CALD1: variants seen among roughly 807,000 people sequenced by gnomAD.
CALD1 encodes caldesmon.
Under a neutral mutation model 99.9 loss-of-function variants are expected in CALD1, and 33 were observed. That is an observed-to-expected ratio of 0.33 (90% CI 0.25 to 0.44). CALD1 has a LOEUF of 0.44. CALD1 is among the 20% of genes least tolerant of loss of function. The pLI is 1.00. For synonymous variants in CALD1, 310 were observed against 325.0 expected (o/e 0.95, Z 0.50); for missense variants, 861 against 962.1 (o/e 0.89, Z 1.39).
At chr7:134,935,539 T>A (rs886214191) in intron 5 of CALD1, 149 bp from the exon 6 acceptor site, 1 of 1,287,738 alleles carries the variant, frequency 7.8e-7, no homozygotes, top group African/African-American at 1.5e-5. Flanking sequence ...ACCTTGCTGT[T>A]TAGAACCACT....
At chr7:134,908,766 G>A (rs1173931067) in intron 3 of CALD1, among the ~76,000 whole-genome samples, 1 of 152,132 alleles carries the variant, frequency 6.6e-6, no homozygotes, top group African/African-American at 2.4e-5. Flanking sequence ...GCCCCGTAAA[G>A]GGCCAGGCAG....
chr7:134,750,377 G>A (rs941899049), intron 1 of CALD1, among the ~76,000 whole-genome samples: 2 of 152,086 alleles, frequency 1.3e-5, no homozygotes, highest in Non-Finnish European at 1.5e-5. Flanking sequence ...CTGGAGTTGC[G>A]AGGTCACAAC....
rs540622836 is a variant in CALD1 at position 134,783,627 on chromosome 7, C to T, written c.-130+3878C>T. The stretch of plus-strand genomic sequence containing the variant: ...AGGTTGTTCCCTGTGTTGTTCTTCC[C>T]TGTGTTGTTGCTATGGAAACCTTTG... On this transcript the variant is annotated intron_variant, in intron 1 of 14. Transcript: ENST00000361675. The surrounding 1 kb of genome is among the most constrained non-coding windows in gnomAD (Gnocchi z 4.3). Among the ~76,000 whole-genome samples, 29 of 152,228 alleles carry T rather than the reference C, an allele frequency of 1.9e-4. No individual in the cohort carries two copies. The highest frequency in any genetic ancestry group is 5.8e-4 in the African/African-American group (24 of 41,534).
chr7:134,766,001 C>G (rs1796822699), intron 1 of CALD1, among the ~76,000 whole-genome samples: 1 of 151,874 alleles, frequency 6.6e-6, no homozygotes, highest in Non-Finnish European at 1.5e-5. Flanking sequence ...CTGTTTTCAC[C>G]ATGTGAAGCA....
intron 1 of CALD1, among the ~76,000 whole-genome samples, chr7:134,843,098 G>A (rs186688415): frequency 2.6e-5 from 4 of 152,260 alleles, no homozygotes; most frequent in Non-Finnish European, 4.4e-5. Context: ...CTCCCTTCCC[G>A]TCTTCCTTCA....
At chr7:134,910,012 C>A (rs1803683792) in intron 3 of CALD1, among the ~76,000 whole-genome samples, 1 of 151,906 alleles carries the variant, frequency 6.6e-6, no homozygotes, top group Non-Finnish European at 1.5e-5. Context: ...AAGCACAAGC[C>A]CATAACACAA....
rs61755269 is a variant in CALD1 at position 134,935,732 on chromosome 7, C to G, written c.1353C>G (p.Leu451=). ...AAGTGCAAGCTAAAAGAGAAAAGCT[C>G]CAAGAAGACAAGCCTACCTTCAAAA... ...GTKVQAKREK[L]QEDKPTFKKE... The change falls in exon 6 of 15, where the codon CTC becomes CTG. Residue 451 remains leucine (L), a synonymous_variant. Transcript: ENST00000361675. 5.6e-4 allele frequency: 902 copies of G among 1,601,216 alleles called. 5 individuals carry two copies. The African/African-American group carries it at 0.011, about 19-fold the overall frequency.
chr7:134,890,110 T>C (rs1413775670), intron 3 of CALD1, among the ~76,000 whole-genome samples: 1 of 152,176 alleles, frequency 6.6e-6, no homozygotes, highest in South Asian at 2.1e-4. Flanking sequence ...GGTTTCACCA[T>C]GTTGGCCAGG....
Position 134,958,093 on chromosome 7 carries a change from A to C in CALD1, c.1960A>C (p.Asn654His). Residue 654 changes from asparagine to histidine, a missense_variant, in exon 10 of 15, where the codon AAT becomes CAT. Physicochemically the swap from Asn to His is moderately conservative, Grantham distance 68. This residue lies in a region of CALD1 where 190 missense variants were observed against 249.0 expected (regional missense o/e 0.76). Coordinates refer to ENST00000361675, the MANE Select transcript of CALD1 (RefSeq NM_033138.4). The part of the protein sequence containing the change: ...LKIEERAEFL[N>H]KSVQKSSGVK... ...GATAGAAGAGCGAGCAGAATTTTTG[A>C]ATAAGTCTGTGCAGAAAAGGTAAAT... 1.2e-6 allele frequency: 2 copies of C among 1,609,920 alleles called. No individual in the cohort carries two copies. Among genetic ancestry groups the C allele is most frequent in the Non-Finnish European group, 1.7e-6 (2 of 1,177,592 alleles).
At chr7:134,759,053 C>T (rs1289709666) in intron 1 of CALD1, among the ~76,000 whole-genome samples, 3 of 152,166 alleles carry the variant, frequency 2.0e-5, no homozygotes, top group Admixed American at 6.5e-5. Context: ...GTCTGTGGAT[C>T]TTTCTAGTTA....
rs1179728105 is a variant in CALD1, at chr7:134,821,645, C to CGT, written c.-129-22239_-129-22238insGT. ...TCACCCAGGCTGGAGTGCAATGGCACAATCTTGGCTCACTGCAACCTCTGC... is the reference window on the plus strand; with the variant it reads ...TCACCCAGGCTGGAGTGCAATGGCACGTAATCTTGGCTCACTGCAACCTCTGC... On this transcript the variant is annotated intron_variant, in intron 1 of 14. Coordinates refer to ENST00000361675, the MANE Select transcript of CALD1 (RefSeq NM_033138.4). 4.9e-3 allele frequency among the ~76,000 whole-genome samples: 481 copies of CGT among 97,438 alleles called. 17 individuals are homozygous for CGT. Among genetic ancestry groups the CGT allele is most frequent in the Non-Finnish European group, 7.1e-3 (326 of 45,982 alleles). The allele number at this position is 97,438 out of a possible 152,430, so 63.9% of individuals were successfully genotyped here. A position where few individuals can be genotyped will look rare whatever the true frequency, so the allele number is the denominator to read the frequency against.
At chr7:134,774,940 T>C (rs10269718), upstream of CALD1, among the ~76,000 whole-genome samples, 1,107 of 152,366 alleles carry the variant, frequency 7.3e-3, 13 homozygotes, top group African/African-American at 0.025. Flanking sequence ...ATGAGTGTTC[T>C]TATGTGATCT....
At chr7:134,907,257 T>C (rs1008548460) in intron 3 of CALD1, among the ~76,000 whole-genome samples, 6 of 151,898 alleles carry the variant, frequency 4.0e-5, no homozygotes, top group Admixed American at 2.0e-4. Flanking sequence ...ACTGATATCA[T>C]AGAAAATAAA....
At chr7:134,952,487 T>A (rs1807428254) in intron 9 of CALD1, among the ~76,000 whole-genome samples, 1 of 151,744 alleles carries the variant, frequency 6.6e-6, no homozygotes, top group Non-Finnish European at 1.5e-5. Flanking sequence ...TTTTTTTTTT[T>A]TGAGATAGAG....
chr7:134,768,300 G>A (rs185299430), intron 1 of CALD1, among the ~76,000 whole-genome samples: 77 of 152,216 alleles, frequency 5.1e-4, no homozygotes, highest in African/African-American at 1.6e-3. Flanking sequence ...TCCACCTGCC[G>A]CTCCAGGAGA....
chr7:134,816,341 T>C (rs1798563609), intron 1 of CALD1, among the ~76,000 whole-genome samples: 1 of 152,192 alleles, frequency 6.6e-6, no homozygotes, highest in South Asian at 2.1e-4. Flanking sequence ...AGCTTCACAG[T>C]TTGTCCATTG....
At position 134,958,099 on chromosome 7, in the gene CALD1, T is replaced by G; in HGVS notation, c.1966T>G (p.Ser656Ala). Reference sequence around the variant, plus strand: ...AGAGCGAGCAGAATTTTTGAATAAGTCTGTGCAGAAAAGGTAAATATGCTT... The same window carrying G: ...AGAGCGAGCAGAATTTTTGAATAAGGCTGTGCAGAAAAGGTAAATATGCTT... ...IEERAEFLNK[S>A]VQKSSGVKST... The change falls in exon 10 of 15, where the codon TCT becomes GCT. Residue 656 changes from serine to alanine, a missense_variant. By Grantham distance (99) the Ser-to-Ala change is moderately conservative. Transcript: ENST00000361675. 6.2e-7 allele frequency: 1 copy of G among 1,610,520 alleles called. No individual in the cohort carries two copies. Among genetic ancestry groups the G allele is most frequent in the Non-Finnish European group, 8.5e-7 (1 of 1,177,978 alleles).
rs370240746 is a variant in CALD1, at chr7:134,886,102, T to G, written c.71+18298T>G. Among the ~76,000 whole-genome samples the G allele has an allele frequency of 2.6e-5, 4 of 152,328 alleles. No homozygotes were observed. The East Asian group carries it at 5.8e-4, about 22-fold the overall frequency. On this transcript the variant is annotated intron_variant, in intron 3 of 14. Transcript: ENST00000361675. Reference sequence around the variant, plus strand: ...AGCTTAGAGAGTCGGCCTAAGTAATTGGTGCAAGACAGTTTAAACAGAAAC... The same window carrying G: ...AGCTTAGAGAGTCGGCCTAAGTAATGGGTGCAAGACAGTTTAAACAGAAAC...
chr7:134,712,465 C>T, the CALD1 span, among the ~76,000 whole-genome samples: 18 of 152,272 alleles, frequency 1.2e-4, no homozygotes, highest in East Asian at 3.9e-4. Context: ...ACTGGATACA[C>T]GCATTGCATG....
Sources: gnomAD v4.1 joint callset for allele counts (sites outside exome capture counted in the v4.1 genomes callset) on GRCh38, gnomAD v4.1.1 for gene constraint, gnomAD v4.1.1 regional missense constraint, Gnocchi (gnomAD v3.1) non-coding constraint, MANE v1.5 for transcripts, NCBI Gene and HGNC (gene_info 2026-07-23, HGNC 2026-07-21) for gene names.